OC90: variants seen among roughly 807,000 people sequenced by gnomAD.
OC90 encodes otoconin-90.
A neutral mutation model predicts 47.3 loss-of-function variants in OC90; 46 were observed. That is an observed-to-expected ratio of 0.97 (90% CI 0.77 to 1.24). The LOEUF (loss-of-function observed/expected upper bound fraction) is 1.24, where lower values mean the gene tolerates loss of function less well. OC90 is among the 50% of genes most tolerant of loss of function. OC90 has a pLI of 0.00. For synonymous variants in OC90, 271 were observed against 219.5 expected, an observed-to-expected ratio of 1.23 and a Z score of -2.07; for missense variants, 688 against 583.9, an observed-to-expected ratio of 1.18 and a Z score of -1.84.
Position 132,031,953 on chromosome 8 carries a change from G to A in OC90, c.959C>T (p.Pro320Leu), listed in dbSNP as rs201874447. 3.5e-4 allele frequency: 570 copies of A among 1,613,934 alleles called. 4 individuals are homozygous for A. In the South Asian group the frequency reaches 4.5e-3, roughly 13 times the overall value. The change falls in exon 12 of 14, where the codon CCG (proline) becomes CTG (leucine). Residue 320 changes from proline to leucine, a missense_variant. By Grantham distance (98) the Pro-to-Leu change is moderately conservative. Coordinates refer to ENST00000254627, the MANE Select transcript of OC90 (RefSeq NM_001080399.3). The part of the protein sequence containing the change: ...EMLFCLTSRC[P>L]EEFESYGCYC... ...ACAGCCATAAGACTCAAATTCCTCC[G>A]GGCACCGGGATGTCAGACAAAAGAG...
rs767649468 is a variant in OC90 at position 132,024,264 on chromosome 8, G to A, written c.*217C>T. On this transcript the variant is annotated 3_prime_UTR_variant, in exon 14 of 14. Transcript: ENST00000254627. ...CTTCCACAGTGCACTAAAGGAGCAT[G>A]GAGGTACCATGGTGTGCCTTCTCCA... The A allele has an allele frequency of 1.1e-4, 55 of 480,738 alleles. No homozygotes were observed. Among genetic ancestry groups the A allele is most frequent in the Non-Finnish European group, 1.7e-4 (45 of 271,246 alleles). 29.8% of individuals were successfully genotyped at this position (480,738 alleles called of 1,614,324 possible). A position where few individuals can be genotyped will look rare whatever the true frequency, so the allele number is the denominator to read the frequency against.
At chr8:132,049,297 T>C (rs1191432080) in intron 2 of OC90, among the ~76,000 whole-genome samples, 1 of 152,166 alleles carries the variant, frequency 6.6e-6, no homozygotes, top group Non-Finnish European at 1.5e-5. Flanking sequence ...TGTGATTCTC[T>C]AAGATCTCCA....
At chr8:132,037,317 T>A in intron 9 of OC90, 121 bp downstream of exon 9, 1 of 818,796 alleles carries the variant, frequency 1.2e-6, no homozygotes, top group Non-Finnish European at 2.0e-6. Flanking sequence ...TTTCACACCA[T>A]CCCTTCGGTG....
At chr8:132,057,114 C>T (rs182612224) in intron 1 of OC90, among the ~76,000 whole-genome samples, 6 of 152,284 alleles carry the variant, frequency 3.9e-5, no homozygotes, top group Admixed American at 2.0e-4. Flanking sequence ...CATACAACAG[C>T]GCCTGACATA....
intron 12 of OC90, 109 bp from the exon 13 acceptor site, chr8:132,029,288 T>A: frequency 7.3e-6 from 6 of 819,368 alleles, no homozygotes; most frequent in Non-Finnish European, 1.2e-5. Context: ...GGGAAGCCAG[T>A]GCCTCCTTTC....
chr8:132,041,216 C>G, intron 5 of OC90, 60 bp from the exon 6 acceptor site: 3 of 1,025,042 alleles, frequency 2.9e-6, no homozygotes, highest in South Asian at 2.5e-5. Flanking sequence ...GGAGGGCAGG[C>G]AGCTCATGAT....
At chr8:132,027,187 A>G (rs558105875) in intron 13 of OC90, among the ~76,000 whole-genome samples, 1 of 152,278 alleles carries the variant, frequency 6.6e-6, no homozygotes, top group African/African-American at 2.4e-5. Flanking sequence ...ATACTACATG[A>G]GATTAGAATA....
chr8:132,051,182 G>A (rs1174885443), intron 2 of OC90, among the ~76,000 whole-genome samples: 1 of 152,110 alleles, frequency 6.6e-6, no homozygotes, highest in African/African-American at 2.4e-5. Context: ...GGCAGAGTAG[G>A]AACTGCTATC....
chr8:132,044,037 G>A (rs1480970955), intron 4 of OC90, among the ~76,000 whole-genome samples: 1 of 152,162 alleles, frequency 6.6e-6, no homozygotes, highest in Non-Finnish European at 1.5e-5. Flanking sequence ...ATATTTACTA[G>A]TGAGGGAAGA....
chr8:132,053,117 C>T (rs1253038035), intron 2 of OC90, among the ~76,000 whole-genome samples: 1 of 152,094 alleles, frequency 6.6e-6, no homozygotes, highest in African/African-American at 2.4e-5. Flanking sequence ...TACTGACTCT[C>T]ACTGACATTT....
At chr8:132,032,703 T>C (rs1822893387) in intron 11 of OC90, among the ~76,000 whole-genome samples, 1 of 152,146 alleles carries the variant, frequency 6.6e-6, no homozygotes, top group Non-Finnish European at 1.5e-5. Flanking sequence ...AGGGGGAAGA[T>C]GTTCAAAACC....
rs1203745485 is a variant in OC90, at chr8:132,024,390, G to A, written c.*91C>T. On this transcript the variant is annotated 3_prime_UTR_variant, in exon 14 of 14. Coordinates refer to ENST00000254627, the MANE Select transcript of OC90 (RefSeq NM_001080399.3). ...CTCTGAGTTAAAGGAAGGGAAGAAG[G>A]CTCCAAGGGACAGAGGAGGCTGAGA... 1 of 1,053,354 alleles carries A rather than the reference G, an allele frequency of 9.5e-7. No homozygotes were observed. The highest frequency in any genetic ancestry group is 2.7e-5 in the Admixed American group (1 of 36,716). The allele number at this position is 1,053,354 out of a possible 1,614,324, so 65.3% of individuals were successfully genotyped here. A position where few individuals can be genotyped will look rare whatever the true frequency, so the allele number is the denominator to read the frequency against.
chr8:132,035,902 G>A (rs10112151), intron 9 of OC90, among the ~76,000 whole-genome samples: 4,180 of 152,296 alleles, frequency 0.027, 190 homozygotes, highest in African/African-American at 0.093. Flanking sequence ...TGGCACATAG[G>A]AGGCCCTCAA....
chr8:132,038,735 C>T (rs2130856911), intron 8 of OC90, 55 bp downstream of exon 8: 2 of 1,413,992 alleles, frequency 1.4e-6, no homozygotes, highest in Non-Finnish European at 2.0e-6. Flanking sequence ...CCACCGGCTC[C>T]CATCAGCATC....
chr8:132,027,673 C>T (rs1822779133), intron 13 of OC90, among the ~76,000 whole-genome samples: 1 of 152,196 alleles, frequency 6.6e-6, no homozygotes, highest in Non-Finnish European at 1.5e-5. Flanking sequence ...GGGGCCTGCT[C>T]ATGGGGATTG....
intron 8 of OC90, among the ~76,000 whole-genome samples, chr8:132,038,519 T>G (rs1326056702): frequency 6.6e-6 from 1 of 152,178 alleles, no homozygotes; most frequent in Admixed American, 6.5e-5. Flanking sequence ...GGGGAGAGAA[T>G]GAACTTGGGT....
chr8:132,050,121 G>A (rs1164584139), intron 2 of OC90, among the ~76,000 whole-genome samples: 1 of 152,116 alleles, frequency 6.6e-6, no homozygotes, highest in Non-Finnish European at 1.5e-5. Context: ...GAAGTAATAA[G>A]CCTTACCTCA....
intron 2 of OC90, among the ~76,000 whole-genome samples, chr8:132,053,891 C>T (rs1367628960): frequency 6.6e-6 from 1 of 152,220 alleles, no homozygotes; most frequent in African/African-American, 2.4e-5. Flanking sequence ...ACAGCAGTCA[C>T]CCTGGCTGTG....
intron 12 of OC90, among the ~76,000 whole-genome samples, chr8:132,031,051 GCTGTCCCCATGTGCAGT>G (rs1370897681): frequency 6.6e-6 from 1 of 152,142 alleles, no homozygotes; most frequent in African/African-American, 2.4e-5. Flanking sequence ...GTGGACAGGG[GCTGTCCCCATGTGCAGT>G]CTTTAAACTT....
Sources: allele counts gnomAD v4.1 joint callset (sites outside exome capture counted in the v4.1 genomes callset), GRCh38; gene constraint gnomAD v4.1.1; transcripts MANE v1.5; gene names NCBI Gene and HGNC (gene_info 2026-07-23, HGNC 2026-07-21).